TSBP1: variants seen among roughly 807,000 people sequenced by gnomAD.
TSBP1 encodes the protein testis-expressed basic protein 1.
In TSBP1, 56 loss-of-function variants were observed where a neutral mutation model predicts 68.8. The ratio of observed to expected loss-of-function variants is 0.81; its 90% confidence interval spans 0.66 to 1.02. The LOEUF (loss-of-function observed/expected upper bound fraction) is 1.02. Ranked by LOEUF, TSBP1 falls within the 50% of genes least tolerant of loss-of-function variation. The pLI is 0.00. For synonymous variants in TSBP1, 171 were observed against 208.7 expected, an observed-to-expected ratio of 0.82 and a Z score of 1.56; for missense variants, 502 against 641.2, an observed-to-expected ratio of 0.78 and a Z score of 2.34.
At chr6:32,347,723 A>G (rs3117128) in intron 9 of TSBP1, among the ~76,000 whole-genome samples, 116,137 of 151,794 alleles carry the variant, frequency 0.77, 44,660 homozygotes, top group South Asian at 0.88. Flanking sequence ...GACTTTTTGT[A>G]ATCTGGACTC....
chr6:32,297,733 C>A (rs867533079), intron 22 of TSBP1, among the ~76,000 whole-genome samples: 7 of 152,200 alleles, frequency 4.6e-5, no homozygotes, highest in African/African-American at 1.7e-4. Flanking sequence ...TTTCTTTGAA[C>A]ATTGACTTAA....
At position 32,326,156 on chromosome 6, in the gene TSBP1, A is replaced by G. The variant is rs1003030945; in HGVS notation, c.515-2542T>C. 11 of 1,431,852 alleles carry G rather than the reference A, an allele frequency of 7.7e-6. No homozygotes were observed. In the African/African-American group the frequency reaches 1.4e-4, roughly 18 times the overall value. 88.7% of individuals were successfully genotyped at this position (1,431,852 alleles called of 1,614,324 possible). ...TGTGGTTCCAGTAGCAGCAGTAGCT[A>G]TGGCAGTGGCAGAAGATTTTAATTA... On this transcript the variant is annotated intron_variant, in intron 16 of 22. Coordinates refer to ENST00000612031, the Ensembl canonical transcript of TSBP1.
At chr6:32,367,954 G>A in exon 4 of TSBP1, 1 of 1,610,294 alleles carries the variant, frequency 6.2e-7, no homozygotes, top group African/African-American at 1.3e-5. Flanking sequence ...CAGAAGTCTA[G>A]CACCTAGAAA....
At chr6:32,352,480 G>A (rs1351181609) in intron 8 of TSBP1, among the ~76,000 whole-genome samples, 2 of 151,744 alleles carry the variant, frequency 1.3e-5, no homozygotes, top group African/African-American at 2.4e-5. Flanking sequence ...CCAGCAGAAG[G>A]TAGAAAAGAA....
intron 15 of TSBP1, 66 bp from the exon 17 acceptor site, chr6:32,330,675 CTTCT>C: frequency 1.4e-6 from 2 of 1,428,536 alleles, no homozygotes; most frequent in East Asian, 2.6e-5. Flanking sequence ...CACACACACA[CTTCT>C]ATTTTTTGAG....
Position 32,315,877 on chromosome 6 carries a change from G to A in TSBP1, c.560-85C>T. ...TATCTAACATATTTTGTTGGAGTCT[G>A]TGAGGGGAGGACTTGTGTGGGCAAA... On this transcript the variant is annotated intron_variant, in intron 18 of 22. Transcript: ENST00000612031. This position sits in a 1 kb window ranked among gnomAD's most constrained non-coding sequence, Gnocchi z 5.4. The A allele has an allele frequency of 2.4e-6, 2 of 839,978 alleles. No homozygotes were observed. The highest frequency in any genetic ancestry group is 1.7e-5 in the South Asian group (1 of 57,594). The allele number at this position is 839,978 out of a possible 1,614,324, so 52.0% of individuals were successfully genotyped here.
At chr6:32,356,994 C>A (rs956826127) in intron 6 of TSBP1, 1 of 152,216 alleles carries the variant, frequency 6.6e-6, no homozygotes, top group Non-Finnish European at 1.5e-5. Context: ...AACATAATGA[C>A]CTTACCTAAT....
intron 16 of TSBP1, chr6:32,324,515 A>G (rs1767998755): frequency 9.6e-7 from 1 of 1,044,846 alleles, no homozygotes; most frequent in South Asian, 1.4e-5. Context: ...TGAATAATGC[A>G]GAGAGGTTTT....
chr6:32,313,613 A>T (rs1009818997), intron 19 of TSBP1, among the ~76,000 whole-genome samples: 4 of 152,010 alleles, frequency 2.6e-5, no homozygotes, highest in Non-Finnish European at 5.9e-5. Context: ...TAGATTTCAT[A>T]ACTTTTAGTA....
Position 32,293,965 on chromosome 6 carries a change from AC to A in TSBP1, c.707del (p.Cys236LeufsTer18). ...TATTCTGAGACCTTGCAGTGCCTCC[AC>A]ATTTTAGAATCTGGATTTTGGAACA... On this transcript the variant is annotated frameshift_variant, in exon 23 of 23. Transcript: ENST00000612031. LOFTEE classifies it low-confidence loss of function (END_TRUNC). 6 of 1,612,548 alleles carry A rather than the reference AC, an allele frequency of 3.7e-6. No homozygotes were observed. The highest frequency in any genetic ancestry group is 5.1e-6 in the Non-Finnish European group (6 of 1,179,924).
intron 18 of TSBP1, among the ~76,000 whole-genome samples, chr6:32,322,073 G>GT (rs1250959328): frequency 1.3e-5 from 2 of 152,156 alleles, no homozygotes; most frequent in African/African-American, 4.8e-5. Flanking sequence ...AGGAACTTTG[G>GT]TTTTTAATAT....
chr6:32,314,851 CAACTCTAGATGTGAATT>C lies in TSBP1; in HGVS notation c.580+904_580+920del, dbSNP rs1187836347. Among the ~76,000 whole-genome samples the C allele has an allele frequency of 1.4e-5, 1 of 69,476 alleles. No homozygotes were observed. Among genetic ancestry groups the C allele is most frequent in the Non-Finnish European group, 4.1e-5 (1 of 24,616 alleles). 45.6% of individuals were successfully genotyped at this position (69,476 alleles called of 152,430 possible). On this transcript the variant is annotated intron_variant, in intron 19 of 22. Coordinates refer to ENST00000612031, the Ensembl canonical transcript of TSBP1. This position sits in a 1 kb window ranked among gnomAD's most constrained non-coding sequence, Gnocchi z 4.2. ...ATCTGGATTAAGTGAGATGCTTTGACAACTCTAGATGTGAATTCTTGCATGAAGAGGTTGGCTGGAGC... is the reference window on the plus strand; with the variant it reads ...ATCTGGATTAAGTGAGATGCTTTGACCTTGCATGAAGAGGTTGGCTGGAGC...
chr6:32,293,381 G>C (rs114543649), exon 23 of TSBP1: 32,332 of 1,612,552 alleles, frequency 0.02, 926 homozygotes, highest in African/African-American at 0.13. Context: ...ATCTGCCTCA[G>C]TCTTCTCTAC....
chr6:32,330,573 T>C lies in TSBP1; in HGVS notation c.514+16A>G, dbSNP rs201850648. ...ATCAAGGAACCTGGAGGGAGAAGGATAGATAAGGTACTTACCATTGGATCC... is the reference window on the plus strand; with the variant it reads ...ATCAAGGAACCTGGAGGGAGAAGGACAGATAAGGTACTTACCATTGGATCC... On this transcript the variant is annotated intron_variant, in intron 16 of 22. Coordinates refer to ENST00000612031, the Ensembl canonical transcript of TSBP1. The C allele has an allele frequency of 3.1e-5, 50 of 1,607,582 alleles. No homozygotes were observed. The highest frequency in any genetic ancestry group is 3.8e-5 in the Non-Finnish European group (45 of 1,176,656).
exon 23 of TSBP1, chr6:32,293,891 T>A: frequency 4.3e-6 from 7 of 1,613,018 alleles, no homozygotes; most frequent in Non-Finnish European, 5.9e-6. Context: ...TTCTACAGAA[T>A]TCGTAAATAT....
Position 32,335,208 on chromosome 6 carries a change from C to T in TSBP1, c.472+229G>A, listed in dbSNP as rs1044565592. 5.3e-5 allele frequency among the ~76,000 whole-genome samples: 8 copies of T among 152,150 alleles called. No homozygotes were observed. In the South Asian group the frequency reaches 1.0e-3, roughly 20 times the overall value. Reference sequence around the variant, plus strand: ...AGATTATATGCTGAAGTGGAAACAGCTTAGGACCATCTCTAGCAGGATATT... The same window carrying T: ...AGATTATATGCTGAAGTGGAAACAGTTTAGGACCATCTCTAGCAGGATATT... On this transcript the variant is annotated intron_variant, in intron 14 of 22. Coordinates refer to ENST00000612031, the Ensembl canonical transcript of TSBP1. The surrounding 1 kb of genome is among the most constrained non-coding windows in gnomAD (Gnocchi z 5.5).
At chr6:32,295,252 C>G (rs947754213) in intron 22 of TSBP1, among the ~76,000 whole-genome samples, 2 of 148,406 alleles carry the variant, frequency 1.3e-5, no homozygotes, top group African/African-American at 4.9e-5. Flanking sequence ...AGGAGAATCG[C>G]TTGAACCCGG....
intron 16 of TSBP1, chr6:32,324,607 C>T (rs1768008580): frequency 6.8e-7 from 1 of 1,466,768 alleles, no homozygotes; most frequent in Non-Finnish European, 9.0e-7. Flanking sequence ...TTGGACTCCA[C>T]TAGAGACCGA....
In TSBP1 at chr6:32,361,385, G is replaced by A. The variant is rs1773006013; in HGVS notation, c.217+4782C>T. On this transcript the variant is annotated intron_variant, in intron 6 of 22. Transcript: ENST00000612031. The surrounding 1 kb of genome is among the most constrained non-coding windows in gnomAD (Gnocchi z 4.3). ...AGTAGCATGATTTATAATCCTTTGG[G>A]TATATACCCAATAATGAGATGGCTG... is the stretch of plus-strand genomic sequence containing the variant. Among the ~76,000 whole-genome samples the A allele has an allele frequency of 1.3e-5, 2 of 152,108 alleles. No homozygotes were observed. Among genetic ancestry groups the A allele is most frequent in the African/African-American group, 2.4e-5 (1 of 41,416 alleles).
Sources: gnomAD v4.1 joint callset for allele counts (sites outside exome capture counted in the v4.1 genomes callset) on GRCh38, gnomAD v4.1.1 for gene constraint, Gnocchi (gnomAD v3.1) non-coding constraint, MANE v1.5 for transcripts, NCBI Gene and HGNC (gene_info 2026-07-23, HGNC 2026-07-21) for gene names.